The following CASR variants were observed in gnomAD, a reference collection of about 807,000 sequenced individuals.
CASR encodes the protein extracellular calcium-sensing receptor.
A neutral mutation model predicts 69.1 loss-of-function variants in CASR; 23 were observed. The ratio of observed to expected loss-of-function variants is 0.33; its 90% CI spans 0.24 to 0.47. The LOEUF is 0.47. Among genes scored for constraint, CASR ranks in the 20% least tolerant of loss-of-function variants. The pLI, the probability that CASR is intolerant of heterozygous loss-of-function variation, is 1.00. For synonymous variants in CASR, 541 were observed against 544.7 expected (o/e 0.99, Z 0.10); for missense variants, 924 against 1,356.1 (o/e 0.68, Z 5.00).
At chr3:122,246,713 T>G (rs550792502) in intron 1 of CASR, 1 of 152,290 alleles carries the variant, frequency 6.6e-6, no homozygotes, top group South Asian at 2.1e-4. Context: ...GTGGGAATAT[T>G]TAGCATACAC....
intron 1 of CASR, among the ~76,000 whole-genome samples, chr3:122,241,256 G>GA (rs1311285814): frequency 1.3e-5 from 2 of 151,774 alleles, no homozygotes; most frequent in African/African-American, 4.8e-5. Flanking sequence ...CGGGTGTTTT[G>GA]AAAAAACAAA....
rs2107649505 is a variant in CASR, at chr3:122,283,802, C to A, written c.1848C>A (p.Leu616=). 1 of 1,614,142 alleles carries A rather than the reference C, an allele frequency of 6.2e-7. No individual in the cohort carries two copies. Among genetic ancestry groups the A allele is most frequent in the Non-Finnish European group, 8.5e-7 (1 of 1,180,028 alleles). ...GGACGGAGCCCTTTGGGATCGCACTCACCCTCTTTGCCGTGCTGGGCATTT... is the reference window on the plus strand; with the variant it reads ...GGACGGAGCCCTTTGGGATCGCACTAACCCTCTTTGCCGTGCTGGGCATTT... The part of the protein sequence containing the change: ...LSWTEPFGIA[L]TLFAVLGIFL... Residue 616 remains leucine, a synonymous_variant, in exon 7 of 7, where the codon CTC becomes CTA. Coordinates refer to ENST00000639785, the MANE Select transcript of CASR (RefSeq NM_000388.4).
intron 5 of CASR, 58 bp downstream of exon 5, chr3:122,276,100 G>C: frequency 9.0e-7 from 1 of 1,110,774 alleles, no homozygotes; most frequent in Non-Finnish European, 1.4e-6. Flanking sequence ...AACTGTGCTG[G>C]GCTTTGGGAG....
At chr3:122,222,011 C>T (rs1276368485) in intron 1 of CASR, among the ~76,000 whole-genome samples, 1 of 152,194 alleles carries the variant, frequency 6.6e-6, no homozygotes, top group Non-Finnish European at 1.5e-5. Flanking sequence ...CCTTCCTGCC[C>T]TAGCATATTG....
chr3:122,284,864 C>A lies in CASR; in HGVS notation c.2910C>A (p.Ser970Arg), dbSNP rs200686461. 1.2e-6 allele frequency: 2 copies of A among 1,614,184 alleles called. No homozygotes were observed. The highest frequency in any genetic ancestry group is 1.1e-5 in the South Asian group (1 of 91,080). ...PRCKQKVIFGSGTVTFSLSFD... is the reference protein window; with the variant it reads ...PRCKQKVIFGRGTVTFSLSFD... ...GCAAGCAGAAGGTCATCTTTGGCAG[C>A]GGCACGGTCACCTTCTCACTGAGCT... The change falls in exon 7 of 7, where the codon AGC becomes AGA. Residue 970 changes from serine to arginine, a missense_variant. This residue lies in a region of CASR where 201 missense variants were observed against 228.8 expected (regional missense o/e 0.88). Coordinates refer to ENST00000639785, the MANE Select transcript of CASR (RefSeq NM_000388.4).
intron 1 of CASR, among the ~76,000 whole-genome samples, chr3:122,238,027 C>T (rs977443480): frequency 2.0e-5 from 3 of 152,120 alleles, no homozygotes; most frequent in African/African-American, 7.2e-5. Context: ...ACTGATGGCT[C>T]CCCCCTGCAG....
chr3:122,189,999 C>T (rs746764044), intron 1 of CASR, among the ~76,000 whole-genome samples: 8 of 152,150 alleles, frequency 5.3e-5, no homozygotes, highest in Admixed American at 2.0e-4. Flanking sequence ...TACTCAGAGA[C>T]GCCAGCTGTG....
chr3:122,278,393 C>G (rs2074847603), intron 5 of CASR, among the ~76,000 whole-genome samples: 1 of 152,048 alleles, frequency 6.6e-6, no homozygotes, highest in Non-Finnish European at 1.5e-5. Flanking sequence ...AGACTAGACC[C>G]CAAGGGCCCT....
At chr3:122,252,450 A>AAGAAAGAAAGAAAGAAAAAG (rs1553765694) in intron 1 of CASR, among the ~76,000 whole-genome samples, 1 of 100,534 alleles carries the variant, frequency 9.9e-6, no homozygotes. Flanking sequence ...AGAAAGAAAA[A>AAGAAAGAAAGAAAGAAAAAG]AAAGAAAAGA....
At chr3:122,248,114 A>C (rs2107619125) in intron 1 of CASR, among the ~76,000 whole-genome samples, 1 of 152,308 alleles carries the variant, frequency 6.6e-6, no homozygotes, top group South Asian at 2.1e-4. Context: ...GCCAAGGGTG[A>C]CCGGGCAATT....
intron 1 of CASR, among the ~76,000 whole-genome samples, chr3:122,198,784 T>A (rs1230659623): frequency 6.6e-6 from 1 of 151,880 alleles, no homozygotes; most frequent in Non-Finnish European, 1.5e-5. Flanking sequence ...CTTTTTATTA[T>A]AAAATTGTCA....
At chr3:122,209,882 A>G (rs1408814325) in intron 1 of CASR, among the ~76,000 whole-genome samples, 2 of 152,234 alleles carry the variant, frequency 1.3e-5, no homozygotes, top group African/African-American at 2.4e-5. Context: ...CAAAAAGCTT[A>G]TCCACCATAA....
rs2074992826 is a variant in CASR at position 122,289,386 on chromosome 3, AC to A, written c.*4196del. 1 of 152,260 alleles carries A rather than the reference AC, an allele frequency of 6.6e-6. No individual in the cohort carries two copies. The highest frequency in any genetic ancestry group is 1.5e-5 in the Non-Finnish European group (1 of 68,072). The allele number at this position is 152,260 out of a possible 1,614,324, so 9.4% of individuals were successfully genotyped here. A position where few individuals can be genotyped will look rare whatever the true frequency, so the allele number is the denominator to read the frequency against. ...TCCTGGCCCAGATCATGGAAAAAAA[AC>A]ATCAAGACTTGGATGACAACTTTGA... On this transcript the variant is annotated 3_prime_UTR_variant, in exon 7 of 7. Transcript: ENST00000639785.
At chr3:122,187,861 A>G (rs565194302) in intron 1 of CASR, among the ~76,000 whole-genome samples, 3 of 152,336 alleles carry the variant, frequency 2.0e-5, no homozygotes, top group South Asian at 4.1e-4. Context: ...CAAAGTGGCT[A>G]AAGTATGCAT....
intron 5 of CASR, among the ~76,000 whole-genome samples, chr3:122,278,888 T>C (rs547171705): frequency 1.3e-5 from 2 of 152,324 alleles, no homozygotes; most frequent in East Asian, 3.9e-4. Context: ...AGGCCCTCGT[T>C]ATTTATACTC....
At chr3:122,197,696 T>C (rs1219669570) in intron 1 of CASR, among the ~76,000 whole-genome samples, 2 of 152,182 alleles carry the variant, frequency 1.3e-5, no homozygotes, top group Non-Finnish European at 2.9e-5. Context: ...TTGATTCATA[T>C]TGATCTCCTA....
intron 1 of CASR, among the ~76,000 whole-genome samples, chr3:122,214,907 G>C (rs951596040): frequency 6.6e-6 from 1 of 152,112 alleles, no homozygotes; most frequent in African/African-American, 2.4e-5. Flanking sequence ...CTTTTCTTCA[G>C]TCATTTATTA....
intron 1 of CASR, among the ~76,000 whole-genome samples, chr3:122,219,305 A>T (rs1336870952): frequency 2.0e-5 from 3 of 152,156 alleles, no homozygotes; most frequent in African/African-American, 7.2e-5. Context: ...AGGGAAAGAG[A>T]AACAGATATC....
rs550739030 is a variant in CASR at position 122,288,224 on chromosome 3, G to T, written c.*3033G>T. 1 of 152,212 alleles carries T rather than the reference G, an allele frequency of 6.6e-6. No individual in the cohort carries two copies. Among genetic ancestry groups the T allele is most frequent in the Non-Finnish European group, 1.5e-5 (1 of 68,062 alleles). 9.4% of individuals were successfully genotyped at this position (152,212 alleles called of 1,614,324 possible). ...CACCACTGGCCTGTACTGCCTTTGC[G>T]TAGGGAAGTGGACATGAGCTGAGGA... On this transcript the variant is annotated 3_prime_UTR_variant, in exon 7 of 7. Coordinates refer to ENST00000639785, the MANE Select transcript of CASR (RefSeq NM_000388.4).
Sources: allele counts gnomAD v4.1 joint callset (sites outside exome capture counted in the v4.1 genomes callset), GRCh38; gene constraint gnomAD v4.1.1; regional missense constraint gnomAD v4.1.1; transcripts MANE v1.5; gene names NCBI Gene and HGNC (gene_info 2026-07-23, HGNC 2026-07-21).